ZBTB16: variants seen among roughly 807,000 people sequenced by gnomAD.
ZBTB16 encodes zinc finger and BTB domain-containing protein 16.
ZBTB16 carries 8 observed loss-of-function variants against 56.8 expected under a neutral mutation model. The ratio of observed to expected loss-of-function variants is 0.14; its 90% CI spans 0.08 to 0.25. The LOEUF (loss-of-function observed/expected upper bound fraction) is 0.25. Ranked by LOEUF, ZBTB16 falls within the 10% of genes least tolerant of loss-of-function variation. ZBTB16 has a pLI of 1.00. For synonymous variants in ZBTB16, 363 were observed against 368.5 expected (o/e 0.98, Z 0.17); for missense variants, 625 against 903.0 (o/e 0.69, Z 3.95).
At chr11:114,097,409 G>A (rs1363777791) in intron 2 of ZBTB16, among the ~76,000 whole-genome samples, 1 of 152,116 alleles carries the variant, frequency 6.6e-6, no homozygotes, top group Non-Finnish European at 1.5e-5. Context: ...CATCAGGAGT[G>A]TACTAAATGA....
At chr11:114,194,682 A>G (rs1943568072) in intron 4 of ZBTB16, among the ~76,000 whole-genome samples, 1 of 152,114 alleles carries the variant, frequency 6.6e-6, no homozygotes, top group African/African-American at 2.4e-5. Flanking sequence ...ACACATCAGA[A>G]TTTTTTTTAC....
intron 3 of ZBTB16, among the ~76,000 whole-genome samples, chr11:114,177,706 A>G (rs963361921): frequency 6.6e-6 from 1 of 152,178 alleles, no homozygotes; most frequent in Non-Finnish European, 1.5e-5. Flanking sequence ...CCACAATACC[A>G]TGATTGCTCA....
intron 4 of ZBTB16, among the ~76,000 whole-genome samples, chr11:114,216,434 G>T (rs1944098519): frequency 6.6e-6 from 1 of 152,206 alleles, no homozygotes; most frequent in South Asian, 2.1e-4. Context: ...ACAGGGCTCT[G>T]ACCCAGCCCT....
intron 3 of ZBTB16, among the ~76,000 whole-genome samples, chr11:114,180,489 G>T (rs1421895631): frequency 2.0e-5 from 3 of 152,162 alleles, no homozygotes; most frequent in Admixed American, 6.5e-5. Flanking sequence ...GAGCAGACAT[G>T]CTGATGAGAG....
intron 2 of ZBTB16, among the ~76,000 whole-genome samples, chr11:114,094,242 G>A (rs1018924700): frequency 2.2e-4 from 33 of 151,180 alleles, no homozygotes; most frequent in African/African-American, 7.7e-4. Context: ...GTGAACCCGG[G>A]AGGCAGAGTT....
At chr11:114,129,370 C>T (rs1320734900) in intron 2 of ZBTB16, among the ~76,000 whole-genome samples, 1 of 152,198 alleles carries the variant, frequency 6.6e-6, no homozygotes, top group Non-Finnish European at 1.5e-5. Flanking sequence ...AGGATGGTGT[C>T]GTGTGTGGCA....
At position 114,167,226 on chromosome 11, in the gene ZBTB16, TTTTTGG is replaced by T. The variant is rs1184711473; in HGVS notation, c.1366+10797_1366+10802del. Among the ~76,000 whole-genome samples, 10 of 80,500 alleles carry T rather than the reference TTTTTGG, an allele frequency of 1.2e-4. 1 individual carries two copies. The highest frequency in any genetic ancestry group is 8.7e-4 in the African/African-American group (9 of 10,368). 52.8% of individuals were successfully genotyped at this position (80,500 alleles called of 152,430 possible). A position where few individuals can be genotyped will look rare whatever the true frequency, so the allele number is the denominator to read the frequency against. On this transcript the variant is annotated intron_variant, in intron 3 of 6. Transcript: ENST00000335953. ...CATTATGGATTTGTGGTTTTTTTTT[TTTTTGG>T]TTTTTTTTTTTTTTTTTTTTTGACA...
chr11:114,071,989 G>A (rs982352150), intron 2 of ZBTB16, among the ~76,000 whole-genome samples: 6 of 152,192 alleles, frequency 3.9e-5, no homozygotes, highest in Admixed American at 2.0e-4. Flanking sequence ...TACTTCATTG[G>A]GTTGTTATAA....
intron 2 of ZBTB16, among the ~76,000 whole-genome samples, chr11:114,076,468 C>G (rs1939569393): frequency 6.6e-6 from 1 of 152,118 alleles, no homozygotes. Flanking sequence ...GCAGCTCTTG[C>G]CCCGCTTAGA....
At chr11:114,163,846 A>G (rs1942666588) in intron 3 of ZBTB16, among the ~76,000 whole-genome samples, 1 of 151,928 alleles carries the variant, frequency 6.6e-6, no homozygotes, top group Non-Finnish European at 1.5e-5. Context: ...ATTTGTTTCC[A>G]CATTATGTCT....
chr11:114,191,319 T>G (rs2135074006), intron 4 of ZBTB16, among the ~76,000 whole-genome samples: 1 of 152,326 alleles, frequency 6.6e-6, no homozygotes, highest in East Asian at 1.9e-4. Context: ...TAATACCGTA[T>G]TTTTACTGTG....
chr11:114,094,297 A>G (rs1940300245), intron 2 of ZBTB16, among the ~76,000 whole-genome samples: 2 of 152,240 alleles, frequency 1.3e-5, no homozygotes, highest in Admixed American at 1.3e-4. Flanking sequence ...CCTGGGAGAC[A>G]GAGCAAGACT....
chr11:114,222,678 G>A (rs1286550219), intron 4 of ZBTB16, among the ~76,000 whole-genome samples: 2 of 152,142 alleles, frequency 1.3e-5, no homozygotes, highest in African/African-American at 4.8e-5. Context: ...CTTAAAAGAA[G>A]CCCCTTTTTA....
At chr11:114,207,076 G>A (rs1490875895) in intron 4 of ZBTB16, among the ~76,000 whole-genome samples, 1 of 152,132 alleles carries the variant, frequency 6.6e-6, no homozygotes. Flanking sequence ...ATGCAGAGTT[G>A]ATGGCTGCAG....
chr11:114,132,125 C>T (rs1187822472), intron 2 of ZBTB16, among the ~76,000 whole-genome samples: 2 of 152,008 alleles, frequency 1.3e-5, no homozygotes, highest in African/African-American at 4.8e-5. Context: ...GGAACTGTCA[C>T]ACATCATTTT....
intron 2 of ZBTB16, among the ~76,000 whole-genome samples, chr11:114,067,338 G>T (rs966106518): frequency 1.3e-5 from 2 of 152,172 alleles, no homozygotes; most frequent in African/African-American, 4.8e-5. Flanking sequence ...GTGAGCATAT[G>T]ACAGCAAGAC....
chr11:114,120,964 C>A (rs893871600), intron 2 of ZBTB16, among the ~76,000 whole-genome samples: 2 of 152,162 alleles, frequency 1.3e-5, no homozygotes, highest in African/African-American at 4.8e-5. Context: ...TTGGGCAGCA[C>A]CTACTCTGGA....
At chr11:114,217,289 A>G (rs919537491) in intron 4 of ZBTB16, among the ~76,000 whole-genome samples, 6 of 152,196 alleles carry the variant, frequency 3.9e-5, no homozygotes, top group African/African-American at 1.4e-4. Flanking sequence ...GAGATCAGAT[A>G]CATTTTGGAT....
rs188403339 is a variant in ZBTB16 at position 114,225,602 on chromosome 11, C to T, written c.1454-16565C>T. Among the ~76,000 whole-genome samples the T allele has an allele frequency of 3.2e-3, 487 of 152,200 alleles. 17 individuals are homozygous for T. The highest frequency in any genetic ancestry group is 0.031 in the Admixed American group (475 of 15,282). On this transcript the variant is annotated intron_variant, in intron 4 of 6. Transcript: ENST00000335953. ...CCTAAGGAACCCACTCCCTTGAGAACGACATTAATCCACGCGTGAGGGCAC... is the reference window on the plus strand; with the variant it reads ...CCTAAGGAACCCACTCCCTTGAGAATGACATTAATCCACGCGTGAGGGCAC...
Sources: allele counts gnomAD v4.1 joint callset (sites outside exome capture counted in the v4.1 genomes callset), GRCh38; gene constraint gnomAD v4.1.1; transcripts MANE v1.5; gene names NCBI Gene and HGNC (gene_info 2026-07-23, HGNC 2026-07-21).